PHF24: variants seen among roughly 807,000 people sequenced by gnomAD.
PHF24 encodes Galpha inhibitory interacting protein.
Under a neutral mutation model 42.6 loss-of-function variants are expected in PHF24, and 25 were observed. The observed-to-expected ratio is 0.59, with a 90% CI of 0.43 to 0.82. The LOEUF (loss-of-function observed/expected upper bound fraction) is 0.82, where lower values mean the gene tolerates loss of function less well. PHF24 is among the 40% of genes least tolerant of loss of function. PHF24 has a pLI of 0.00. For missense variants in PHF24, 470 were observed against 538.1 expected, an observed-to-expected ratio of 0.87 and a Z score of 1.25; for synonymous variants, 185 against 204.8, an observed-to-expected ratio of 0.90 and a Z score of 0.83.
chr9:34,848,684 T>A, the PHF24 span, among the ~76,000 whole-genome samples: 10 of 151,690 alleles, frequency 6.6e-5, no homozygotes, highest in African/African-American at 2.4e-4. Flanking sequence ...TTCTTGTAAT[T>A]GTGATATTAG....
the PHF24 span, among the ~76,000 whole-genome samples, chr9:34,938,934 C>CA: frequency 0.31 from 19,496 of 63,338 alleles, 3,339 homozygotes; most frequent in East Asian, 0.58. Flanking sequence ...GAGACTCCAT[C>CA]AAAAAAAAAA....
chr9:34,679,669 C>T, the PHF24 span, among the ~76,000 whole-genome samples: 6 of 152,160 alleles, frequency 3.9e-5, no homozygotes, highest in African/African-American at 1.4e-4. Context: ...GAGCCGAGAT[C>T]GCGGCTCTGC....
chr9:34,798,417 T>C, the PHF24 span, among the ~76,000 whole-genome samples: 1 of 152,220 alleles, frequency 6.6e-6, no homozygotes, highest in East Asian at 1.9e-4. Flanking sequence ...CATCTTTGTC[T>C]GTGTGTACTC....
the PHF24 span, among the ~76,000 whole-genome samples, chr9:34,781,594 G>T: frequency 1.3e-5 from 2 of 152,050 alleles, no homozygotes; most frequent in East Asian, 3.9e-4. Context: ...GGTTAAAATG[G>T]CACATTTTAT....
the PHF24 span, among the ~76,000 whole-genome samples, chr9:34,927,191 G>A: frequency 6.6e-6 from 1 of 152,312 alleles, no homozygotes; most frequent in East Asian, 1.9e-4. Context: ...GGCTGGAAGT[G>A]CAGTAAGCAG....
the PHF24 span, among the ~76,000 whole-genome samples, chr9:34,846,162 G>C: frequency 2.6e-5 from 4 of 152,104 alleles, no homozygotes; most frequent in Non-Finnish European, 4.4e-5. Context: ...CTAGATCCCT[G>C]AGGAATCGCC....
chr9:34,945,331 T>C, the PHF24 span, among the ~76,000 whole-genome samples: 1 of 152,160 alleles, frequency 6.6e-6, no homozygotes, highest in Non-Finnish European at 1.5e-5. Context: ...TGAGATTAGA[T>C]ACACAAGAGC....
intron 1 of PHF24, among the ~76,000 whole-genome samples, chr9:34,967,781 T>C (rs1826830983): frequency 6.6e-6 from 1 of 152,148 alleles, no homozygotes; most frequent in South Asian, 2.1e-4. Context: ...TACATACTCT[T>C]CTCTCCATCC....
At chr9:34,792,644 A>G in the PHF24 span, among the ~76,000 whole-genome samples, 1 of 151,442 alleles carries the variant, frequency 6.6e-6, no homozygotes, top group African/African-American at 2.4e-5. Flanking sequence ...ATTGCACTCC[A>G]GCCTGGGCAA....
chr9:34,829,877 C>T, the PHF24 span, among the ~76,000 whole-genome samples: 480 of 152,276 alleles, frequency 3.2e-3, no homozygotes, highest in African/African-American at 0.011. Flanking sequence ...ATAGTGATAA[C>T]GTTCCCTGAC....
chr9:34,919,919 A>G, the PHF24 span, among the ~76,000 whole-genome samples: 1 of 152,158 alleles, frequency 6.6e-6, no homozygotes, highest in Non-Finnish European at 1.5e-5. Context: ...TCCATTGTGT[A>G]TATGTGCCAA....
At chr9:34,700,367 G>A in the PHF24 span, among the ~76,000 whole-genome samples, 1 of 151,682 alleles carries the variant, frequency 6.6e-6, no homozygotes, top group South Asian at 2.1e-4. Flanking sequence ...AGGAGATGAT[G>A]GTGCATGGAG....
chr9:34,766,949 A>T, the PHF24 span, among the ~76,000 whole-genome samples: 1 of 151,948 alleles, frequency 6.6e-6, no homozygotes, highest in Admixed American at 6.6e-5. Flanking sequence ...GGTCTGTTGG[A>T]GTTTGCTAGA....
the PHF24 span, among the ~76,000 whole-genome samples, chr9:34,933,575 A>G: frequency 5.3e-5 from 8 of 151,700 alleles, no homozygotes; most frequent in African/African-American, 1.9e-4. Flanking sequence ...ATACAAAAAA[A>G]TTAGCCTGGC....
the PHF24 span, chr9:34,832,923 G>A: frequency 5.8e-6 from 9 of 1,551,728 alleles, no homozygotes; most frequent in Admixed American, 7.8e-5. Flanking sequence ...CCAGGGACTC[G>A]TGGAGGTAGC....
the PHF24 span, among the ~76,000 whole-genome samples, chr9:34,879,020 G>C: frequency 5.3e-5 from 8 of 152,276 alleles, no homozygotes; most frequent in African/African-American, 1.7e-4. Flanking sequence ...TCCAGAGGAA[G>C]GATCAGGTGG....
the PHF24 span, among the ~76,000 whole-genome samples, chr9:34,848,956 G>C: frequency 6.6e-6 from 1 of 152,140 alleles, no homozygotes; most frequent in South Asian, 2.1e-4. Flanking sequence ...TTGCACTGTG[G>C]TCTGAGAGAC....
chr9:34,955,036 ACAGCTTCGCTG>A (rs1266881882), upstream of PHF24, among the ~76,000 whole-genome samples: 1 of 152,214 alleles, frequency 6.6e-6, no homozygotes, highest in African/African-American at 2.4e-5. Context: ...ACACGACAGC[ACAGCTTCGCTG>A]CTGGAGGTGA....
chr9:34,765,905 A>G, the PHF24 span, among the ~76,000 whole-genome samples: 11 of 151,814 alleles, frequency 7.2e-5, no homozygotes, highest in African/African-American at 2.7e-4. Flanking sequence ...GGTGGTGACA[A>G]AATCTCTCAG....
Sources: gnomAD v4.1 joint callset for allele counts (sites outside exome capture counted in the v4.1 genomes callset) on GRCh38, gnomAD v4.1.1 for gene constraint, MANE v1.5 for transcripts, NCBI Gene and HGNC (gene_info 2026-07-23, HGNC 2026-07-21) for gene names.